Variants in LRP2 observed in about 807,000 individuals in gnomAD.
LRP2 encodes the protein low-density lipoprotein receptor-related protein 2.
A neutral mutation model predicts 531.0 loss-of-function variants in LRP2; 172 were observed. The observed-to-expected ratio is 0.32, with a 90% CI of 0.29 to 0.37. The LOEUF (loss-of-function observed/expected upper bound fraction) is 0.37. LRP2 is among the 10% of genes least tolerant of loss of function. LRP2 has a pLI of 1.00. For synonymous variants in LRP2, 1,992 were observed against 2,027.6 expected, an observed-to-expected ratio of 0.98 and a Z score of 0.47; for missense variants, 5,167 against 5,868.3, an observed-to-expected ratio of 0.88 and a Z score of 3.90.
chr2:169,274,451 A>T (rs1414097193), intron 14 of LRP2, among the ~76,000 whole-genome samples: 1 of 152,136 alleles, frequency 6.6e-6, no homozygotes. Context: ...CACGTGGTAA[A>T]ATAACAGGAG....
At chr2:169,327,065 G>A (rs1435928280) in intron 1 of LRP2, among the ~76,000 whole-genome samples, 3 of 150,090 alleles carry the variant, frequency 2.0e-5, no homozygotes, top group East Asian at 2.0e-4. Context: ...CCCGGCAGCC[G>A]CCCAGTCCGG....
intron 1 of LRP2, among the ~76,000 whole-genome samples, chr2:169,361,330 GTCTCTCTCTGTC>G (rs1334662815): frequency 2.9e-3 from 93 of 32,206 alleles, no homozygotes; most frequent in African/African-American, 0.013. Flanking sequence ...GTCTCTCTCT[GTCTCTCTCTGTC>G]TCTCTCTGTC....
chr2:169,161,503 G>T (rs1048572439), intron 63 of LRP2, among the ~76,000 whole-genome samples: 1 of 151,972 alleles, frequency 6.6e-6, no homozygotes, highest in African/African-American at 2.4e-5. Flanking sequence ...TTGAGACAAG[G>T]TCTTGCTTTA....
intron 30 of LRP2, among the ~76,000 whole-genome samples, chr2:169,232,560 G>A (rs3821126): frequency 0.33 from 50,506 of 151,604 alleles, 8,636 homozygotes; most frequent in South Asian, 0.6. Flanking sequence ...AGAGAGAGAG[G>A]TTTCAGAACA....
intron 36 of LRP2, 85 bp downstream of exon 36, chr2:169,213,572 G>C (rs1262700957): frequency 1.9e-6 from 2 of 1,052,930 alleles, no homozygotes; most frequent in Non-Finnish European, 3.0e-6. Flanking sequence ...ACGTGAAACT[G>C]TGTGTGGGTG....
At chr2:169,162,804 T>C (rs1034831073) in intron 62 of LRP2, among the ~76,000 whole-genome samples, 2 of 152,204 alleles carry the variant, frequency 1.3e-5, no homozygotes, top group African/African-American at 4.8e-5. Context: ...ACTACTGGGC[T>C]GAAGCAATGA....
chr2:169,237,334 A>C, intron 27 of LRP2, 47 bp from the exon 28 acceptor site: 1 of 1,320,496 alleles, frequency 7.6e-7, no homozygotes. Context: ...CAAATAAATG[A>C]ATGCAAACAT....
chr2:169,340,852 T>C (rs1480935126), intron 1 of LRP2, among the ~76,000 whole-genome samples: 1 of 152,188 alleles, frequency 6.6e-6, no homozygotes, highest in Non-Finnish European at 1.5e-5. Context: ...TGCTTTACTA[T>C]AACACATGCT....
In LRP2 at chr2:169,199,999, C is replaced by G. The variant is rs142849442; in HGVS notation, c.8453-1088G>C. On this transcript the variant is annotated intron_variant, in intron 44 of 78. Transcript: ENST00000649046. ...GGTGCAGTGGCTCACGCCTGTAATC[C>G]CAGCACTTTGGGAGGCCAAGGTGGG... Among the ~76,000 whole-genome samples the G allele has an allele frequency of 6.1e-3, 923 of 152,168 alleles. 5 individuals are homozygous for G. The highest frequency in any genetic ancestry group is 0.021 in the African/African-American group (883 of 41,518).
rs11411235 is a variant in LRP2 at position 169,127,752 on chromosome 2, A to AT, written c.*910dup. 0.72 allele frequency: 107,255 copies of AT among 148,408 alleles called. 38,768 individuals are homozygous for AT. Among genetic ancestry groups the AT allele is most frequent in the Middle Eastern group, 0.8 (227 of 282 alleles). The allele number at this position is 148,408 out of a possible 1,614,324, so 9.2% of individuals were successfully genotyped here. On this transcript the variant is annotated 3_prime_UTR_variant, in exon 79 of 79. Transcript: ENST00000649046. ...CCAGTTGAGGCTTTACTTAACTGGT[A>AT]TTTTTTTTTTTTGCACCTTATTTTA...
intron 1 of LRP2, among the ~76,000 whole-genome samples, chr2:169,356,286 T>G (rs1356600893): frequency 6.6e-6 from 1 of 152,204 alleles, no homozygotes; most frequent in African/African-American, 2.4e-5. Context: ...GAATAACATG[T>G]GAAGTTGTGG....
chr2:169,269,418 G>A (rs948984647), intron 16 of LRP2, among the ~76,000 whole-genome samples: 6 of 152,046 alleles, frequency 3.9e-5, no homozygotes, highest in Non-Finnish European at 8.8e-5. Context: ...ATAGACCAAT[G>A]GAACAGAATA....
At chr2:169,290,817 A>G (rs757451720) in intron 8 of LRP2, 28 bp downstream of exon 8, 7 of 1,611,246 alleles carry the variant, frequency 4.3e-6, no homozygotes, top group Admixed American at 3.3e-5. Flanking sequence ...TTTATCTGAA[A>G]GCTACCCAGG....
chr2:169,353,124 T>A (rs1425831325), intron 1 of LRP2, among the ~76,000 whole-genome samples: 1 of 152,228 alleles, frequency 6.6e-6, no homozygotes, highest in African/African-American at 2.4e-5. Flanking sequence ...TATACTTTTT[T>A]AAGTTCCTCA....
At chr2:169,158,272 T>C (rs907532391) in intron 63 of LRP2, among the ~76,000 whole-genome samples, 1 of 152,066 alleles carries the variant, frequency 6.6e-6, no homozygotes, top group East Asian at 1.9e-4. Flanking sequence ...AGTTATTCCA[T>C]GTTAATGAAT....
Position 169,202,956 on chromosome 2 carries a change from G to A in LRP2, c.8009C>T (p.Pro2670Leu). The A allele has an allele frequency of 6.2e-7, 1 of 1,613,998 alleles. No homozygotes were observed. The highest frequency in any genetic ancestry group is 8.5e-7 in the Non-Finnish European group (1 of 1,179,916). ...TGGACACTGGCACTCGGCACCATTTGGACCTGAAGAAAGATAATCCCAGAA... is the reference window on the plus strand; with the variant it reads ...TGGACACTGGCACTCGGCACCATTTAGACCTGAAGAAAGATAATCCCAGAA... ...GGCSHICAPG[P>L]NGAECQCPHE... Residue 2670 changes from proline (P) to leucine (L), a missense_variant, in exon 43 of 79, where the codon CCA becomes CTA. Pro to Leu is a moderately conservative substitution (Grantham distance 98, BLOSUM62 -3). Coordinates refer to ENST00000649046, the MANE Select transcript of LRP2 (RefSeq NM_004525.3).
At chr2:169,311,821 T>C (rs867764491) in intron 3 of LRP2, among the ~76,000 whole-genome samples, 7 of 152,148 alleles carry the variant, frequency 4.6e-5, no homozygotes, top group Admixed American at 1.3e-4. Flanking sequence ...CCCATTATTA[T>C]TGTGTGGGAG....
intron 16 of LRP2, among the ~76,000 whole-genome samples, chr2:169,266,786 C>G (rs1177193845): frequency 6.6e-6 from 1 of 151,756 alleles, no homozygotes; most frequent in African/African-American, 2.4e-5. Flanking sequence ...GTATGAAAAA[C>G]AGTGTCTAGT....
intron 3 of LRP2, among the ~76,000 whole-genome samples, chr2:169,318,094 T>C (rs1190702102): frequency 1.3e-5 from 2 of 151,816 alleles, no homozygotes; most frequent in Admixed American, 6.6e-5. Context: ...AATAATAAAA[T>C]AAAAATAAAT....
Sources: gnomAD v4.1 joint callset for allele counts (sites outside exome capture counted in the v4.1 genomes callset) on GRCh38, gnomAD v4.1.1 for gene constraint, MANE v1.5 for transcripts, NCBI Gene and HGNC (gene_info 2026-07-23, HGNC 2026-07-21) for gene names.